Variants in ENTREP1 observed in about 807,000 individuals in gnomAD.
ENTREP1 encodes Friedreich ataxia region gene X123.
chr9:69,335,630 C>T, the ENTREP1 span, among the ~76,000 whole-genome samples: 20 of 152,090 alleles, frequency 1.3e-4, no homozygotes, highest in Admixed American at 1.3e-3. Context: ...CTTTACCTGT[C>T]CCATAATGGA....
chr9:69,379,335 G>C, the ENTREP1 span, among the ~76,000 whole-genome samples: 1 of 152,274 alleles, frequency 6.6e-6, no homozygotes, highest in East Asian at 1.9e-4. Context: ...TGAACCCTAC[G>C]TCTATACCCT....
the ENTREP1 span, among the ~76,000 whole-genome samples, chr9:69,346,155 A>G: frequency 3.1e-4 from 44 of 143,754 alleles, no homozygotes; most frequent in South Asian, 1.1e-3. Flanking sequence ...GCTAATTTAT[A>G]TATTTTTAGT....
the ENTREP1 span, among the ~76,000 whole-genome samples, chr9:69,341,766 C>T: frequency 6.6e-6 from 1 of 152,132 alleles, no homozygotes; most frequent in Non-Finnish European, 1.5e-5. Flanking sequence ...CTGTGAAGCT[C>T]TCTGGCTTTG....
the ENTREP1 span, chr9:69,377,457 G>A: frequency 2.5e-6 from 4 of 1,613,636 alleles, no homozygotes; most frequent in Admixed American, 1.7e-5. Flanking sequence ...CCAGATATTC[G>A]CAACCAGGAG....
chr9:69,360,013 G>A, the ENTREP1 span, among the ~76,000 whole-genome samples: 1 of 151,170 alleles, frequency 6.6e-6, no homozygotes, highest in Non-Finnish European at 1.5e-5. Flanking sequence ...GCCATTTGAG[G>A]TATCACTCAT....
the ENTREP1 span, among the ~76,000 whole-genome samples, chr9:69,345,754 C>T: frequency 6.6e-6 from 1 of 152,140 alleles, no homozygotes. Flanking sequence ...AGGCATGCGC[C>T]ACCATACGTG....
chr9:69,348,258 A>G, the ENTREP1 span, among the ~76,000 whole-genome samples: 2 of 152,162 alleles, frequency 1.3e-5, no homozygotes, highest in South Asian at 2.1e-4. Context: ...GACTATAGGC[A>G]TGTGCCACCA....
chr9:69,371,390 T>G, the ENTREP1 span: 2 of 880,612 alleles, frequency 2.3e-6, no homozygotes, highest in Non-Finnish European at 3.9e-6. Flanking sequence ...TGATCTTTTT[T>G]TAAAAAAATG....
chr9:69,325,521 C>T, the ENTREP1 span: 5 of 1,023,088 alleles, frequency 4.9e-6, no homozygotes, highest in Non-Finnish European at 5.9e-6. Flanking sequence ...GCCGCGCCGC[C>T]GGCGCTCTCC....
chr9:69,374,365 A>T, the ENTREP1 span, among the ~76,000 whole-genome samples: 3 of 152,072 alleles, frequency 2.0e-5, no homozygotes, highest in East Asian at 3.8e-4. Flanking sequence ...TCTTGAGTGA[A>T]TACCTAGGCA....
the ENTREP1 span, chr9:69,325,756 T>A: frequency 8.2e-7 from 1 of 1,221,726 alleles, no homozygotes; most frequent in Non-Finnish European, 1.0e-6. Context: ...GTTCGCCCGG[T>A]CATCCCGGTG....
chr9:69,373,588 C>T, the ENTREP1 span, among the ~76,000 whole-genome samples: 18 of 151,954 alleles, frequency 1.2e-4, no homozygotes, highest in Non-Finnish European at 1.8e-4. Flanking sequence ...TTTCTTTTAC[C>T]AAGTTAGTTC....
chr9:69,371,174 A>G, the ENTREP1 span: 2 of 328,278 alleles, frequency 6.1e-6, no homozygotes, highest in Non-Finnish European at 1.2e-5. Flanking sequence ...AAACTAAAGG[A>G]AAAAAAATAA....
chr9:69,388,560 T>G, the ENTREP1 span: 1 of 830,654 alleles, frequency 1.2e-6, no homozygotes, highest in Non-Finnish European at 1.8e-6. Flanking sequence ...GGTCACAGTC[T>G]TCAGGGAAAT....
At chr9:69,375,840 T>C in the ENTREP1 span, 1 of 1,614,082 alleles carries the variant, frequency 6.2e-7, no homozygotes, top group Non-Finnish European at 8.5e-7. Flanking sequence ...TTCAGCCCTG[T>C]AGTGCTGTTC....
chr9:69,374,767 G>A, the ENTREP1 span, among the ~76,000 whole-genome samples: 1 of 152,190 alleles, frequency 6.6e-6, no homozygotes, highest in Non-Finnish European at 1.5e-5. Flanking sequence ...ATGCAGGGTG[G>A]ATGTTCATTA....
the ENTREP1 span, among the ~76,000 whole-genome samples, chr9:69,374,413 A>C: frequency 6.6e-6 from 1 of 152,114 alleles, no homozygotes; most frequent in Non-Finnish European, 1.5e-5. Context: ...AGAGTTTTCC[A>C]AAGTGGTTGG....
the ENTREP1 span, among the ~76,000 whole-genome samples, chr9:69,367,183 G>C: frequency 0.81 from 121,757 of 149,684 alleles, 49,564 homozygotes; most frequent in South Asian, 0.89. Context: ...CCTCCCACCT[G>C]GGCATCCTAA....
the ENTREP1 span, among the ~76,000 whole-genome samples, chr9:69,372,252 G>T: frequency 1.3e-5 from 2 of 152,148 alleles, no homozygotes; most frequent in Non-Finnish European, 2.9e-5. Flanking sequence ...CAGTTCAGTA[G>T]AGGTAAGTAT....
Sources: allele counts gnomAD v4.1 joint callset (sites outside exome capture counted in the v4.1 genomes callset), GRCh38; gene constraint gnomAD v4.1.1; transcripts MANE v1.5; gene names NCBI Gene and HGNC (gene_info 2026-07-23, HGNC 2026-07-21).